The following RHBDL2 variants were observed in gnomAD, a reference collection of about 807,000 sequenced individuals.
RHBDL2 encodes the protein rhomboid like 2.
RHBDL2 carries 26 observed loss-of-function variants against 31.7 expected under a neutral mutation model. The observed-to-expected ratio is 0.82, with a 90% CI of 0.60 to 1.14. The LOEUF is 1.14. Ranked by LOEUF, RHBDL2 falls within the 50% of genes most tolerant of loss-of-function variation. RHBDL2 has a pLI of 0.00. For synonymous variants in RHBDL2, 123 were observed against 127.2 expected, an observed-to-expected ratio of 0.97 and a Z score of 0.22; for missense variants, 336 against 364.4, an observed-to-expected ratio of 0.92 and a Z score of 0.63.
chr1:38,940,728 T>C (rs1418371281), intron 1 of RHBDL2, among the ~76,000 whole-genome samples: 2 of 152,182 alleles, frequency 1.3e-5, no homozygotes, highest in East Asian at 3.8e-4. Context: ...CAACATGCAT[T>C]GTTCCCTGTC....
intron 5 of RHBDL2, among the ~76,000 whole-genome samples, chr1:38,895,337 AAAAAT>A (rs1198891678): frequency 3.3e-5 from 5 of 152,322 alleles, no homozygotes; most frequent in Admixed American, 2.0e-4. Context: ...GTTTCCTTTA[AAAAAT>A]AAAATAAAAT....
chr1:38,930,352 C>CA (rs769710233), intron 1 of RHBDL2, among the ~76,000 whole-genome samples: 1 of 152,038 alleles, frequency 6.6e-6, no homozygotes, highest in Non-Finnish European at 1.5e-5. Flanking sequence ...ATAACTAGGG[C>CA]AAAAAAGAGG....
At chr1:38,919,793 C>T (rs1181244836) in intron 1 of RHBDL2, among the ~76,000 whole-genome samples, 2 of 151,958 alleles carry the variant, frequency 1.3e-5, no homozygotes, top group Non-Finnish European at 2.9e-5. Flanking sequence ...AGGCTGGTCT[C>T]GAACTCCTGA....
At chr1:38,893,722 G>T (rs985304717) in intron 5 of RHBDL2, among the ~76,000 whole-genome samples, 1 of 151,336 alleles carries the variant, frequency 6.6e-6, no homozygotes, top group African/African-American at 2.4e-5. Flanking sequence ...TTTTGGGGGC[G>T]CTCTTGGGGG....
At chr1:38,923,541 A>T (rs1440794506) in intron 1 of RHBDL2, among the ~76,000 whole-genome samples, 1 of 152,188 alleles carries the variant, frequency 6.6e-6, no homozygotes, top group African/African-American at 2.4e-5. Flanking sequence ...CATGGCCTGT[A>T]TATAAACTCC....
At chr1:38,889,699 A>G (rs9438980) in intron 6 of RHBDL2, among the ~76,000 whole-genome samples, 54,675 of 152,114 alleles carry the variant, frequency 0.36, 11,006 homozygotes, top group Non-Finnish European at 0.45. Flanking sequence ...TCGGATCTGC[A>G]CTGCAAAAGG....
In RHBDL2 at chr1:38,919,214, G is replaced by A; in HGVS notation, c.-2C>T. 6.2e-7 allele frequency: 1 copy of A among 1,613,994 alleles called. No homozygotes were observed. The highest frequency in any genetic ancestry group is 8.5e-7 in the Non-Finnish European group (1 of 1,179,986). On this transcript the variant is annotated 5_prime_UTR_variant, in exon 2 of 8. Coordinates refer to ENST00000372990, the MANE Select transcript of RHBDL2 (RefSeq NM_017821.5). Reference sequence around the variant, plus strand: ...CTCCAGATCATGAACAGCAGCCATTGTCCTGGGTCCTCCCTCCTCCCCAGA... The same window carrying A: ...CTCCAGATCATGAACAGCAGCCATTATCCTGGGTCCTCCCTCCTCCCCAGA...
chr1:38,895,766 G>A (rs1025638218), intron 5 of RHBDL2, among the ~76,000 whole-genome samples: 3 of 151,968 alleles, frequency 2.0e-5, no homozygotes, highest in African/African-American at 7.3e-5. Flanking sequence ...TCACACCACT[G>A]CATTCCAGCC....
chr1:38,934,119 G>A (rs1643466726), intron 1 of RHBDL2, among the ~76,000 whole-genome samples: 1 of 151,082 alleles, frequency 6.6e-6, no homozygotes, highest in Non-Finnish European at 1.5e-5. Context: ...AAACTGAGGT[G>A]GGTGGATCAT....
chr1:38,898,336 G>A (rs762684970), intron 4 of RHBDL2, among the ~76,000 whole-genome samples: 1 of 152,140 alleles, frequency 6.6e-6, no homozygotes, highest in Admixed American at 6.6e-5. Context: ...GCAACTTAGA[G>A]CAATGATTCT....
intron 1 of RHBDL2, chr1:38,925,823 A>T: frequency 2.3e-6 from 1 of 434,954 alleles, no homozygotes; most frequent in Non-Finnish European, 3.5e-6. Flanking sequence ...CACTGCATGC[A>T]AACTACATAA....
At chr1:38,913,987 C>T (rs1298637908) in intron 3 of RHBDL2, among the ~76,000 whole-genome samples, 3 of 151,698 alleles carry the variant, frequency 2.0e-5, no homozygotes, top group Non-Finnish European at 4.4e-5. Context: ...CGTGGTGGCA[C>T]GTGCCTGTAA....
At chr1:38,895,870 T>C in intron 5 of RHBDL2, 99 bp downstream of exon 5, 1 of 727,860 alleles carries the variant, frequency 1.4e-6, no homozygotes, top group Non-Finnish European at 2.3e-6. Context: ...AATTGAGTGC[T>C]CAGTAAATAT....
intron 6 of RHBDL2, among the ~76,000 whole-genome samples, chr1:38,892,770 A>G (rs1431964255): frequency 6.6e-6 from 1 of 152,188 alleles, no homozygotes; most frequent in Admixed American, 6.5e-5. Flanking sequence ...CACTGCTCCA[A>G]CAATTGAATT....
intron 4 of RHBDL2, among the ~76,000 whole-genome samples, chr1:38,905,266 T>G (rs1643048641): frequency 6.6e-6 from 1 of 151,440 alleles, no homozygotes; most frequent in South Asian, 2.1e-4. Flanking sequence ...AGTTTCATTA[T>G]ATTGCCCAGG....
At chr1:38,889,737 C>T (rs997107408) in intron 6 of RHBDL2, among the ~76,000 whole-genome samples, 1 of 152,226 alleles carries the variant, frequency 6.6e-6, no homozygotes, top group African/African-American at 2.4e-5. Context: ...CCTAGAAGAA[C>T]TCTGCCCTAT....
intron 4 of RHBDL2, among the ~76,000 whole-genome samples, chr1:38,908,904 G>A (rs1643104090): frequency 6.6e-6 from 1 of 152,196 alleles, no homozygotes; most frequent in Non-Finnish European, 1.5e-5. Context: ...TGGGCTTGGA[G>A]AATGAGTGCA....
chr1:38,902,206 T>C (rs1258665032), intron 4 of RHBDL2, among the ~76,000 whole-genome samples: 12 of 127,726 alleles, frequency 9.4e-5, no homozygotes, highest in African/African-American at 3.1e-4. Context: ...TTTTTCTTTT[T>C]TTTTTTTTTT....
chr1:38,895,874 T>G, intron 5 of RHBDL2, 95 bp downstream of exon 5: 1 of 765,108 alleles, frequency 1.3e-6, no homozygotes, highest in Non-Finnish European at 2.2e-6. Flanking sequence ...GAGTGCTCAG[T>G]AAATATTGAT....
Sources: allele counts gnomAD v4.1 joint callset (sites outside exome capture counted in the v4.1 genomes callset), GRCh38; gene constraint gnomAD v4.1.1; transcripts MANE v1.5; gene names NCBI Gene and HGNC (gene_info 2026-07-23, HGNC 2026-07-21).